DAB1: variants seen among roughly 807,000 people sequenced by gnomAD.
DAB1 encodes the protein disabled homolog 1.
Under a neutral mutation model 64.6 loss-of-function variants are expected in DAB1, and 15 were observed. The ratio of observed to expected loss-of-function variants is 0.23; its 90% CI spans 0.16 to 0.36. The LOEUF is 0.36. Ranked by LOEUF, DAB1 falls within the 10% of genes least tolerant of loss-of-function variation. The pLI, the probability that DAB1 is intolerant of heterozygous loss-of-function variation, is 1.00. For synonymous variants in DAB1, 235 were observed against 251.9 expected, an observed-to-expected ratio of 0.93 and a Z score of 0.64; for missense variants, 596 against 706.7, an observed-to-expected ratio of 0.84 and a Z score of 1.78.
intron 2 of DAB1, among the ~76,000 whole-genome samples, chr1:58,523,126 C>A (rs1308006074): frequency 6.6e-6 from 1 of 152,200 alleles, no homozygotes; most frequent in Non-Finnish European, 1.5e-5. Flanking sequence ...AAGCACTCAT[C>A]TCCATCAAGT....
chr1:57,424,029 G>T lies in DAB1; in HGVS notation c.-236C>A, dbSNP rs1207396154. 1.3e-5 allele frequency: 2 copies of T among 152,216 alleles called. No individual in the cohort carries two copies. The highest frequency in any genetic ancestry group is 1.9e-4 in the South Asian group (1 of 5,240). The allele number at this position is 152,216 out of a possible 1,614,324, so 9.4% of individuals were successfully genotyped here. ...GGCACTCAGGCGCGCTCTGCAGCCCGGGGAAGCCCGGGCGAGCGCCGAGCT... is the reference window on the plus strand; with the variant it reads ...GGCACTCAGGCGCGCTCTGCAGCCCTGGGAAGCCCGGGCGAGCGCCGAGCT... On this transcript the variant is annotated 5_prime_UTR_variant, in exon 1 of 15. Transcript: ENST00000371236.
chr1:57,476,212 G>C (rs1409917503), intron 7 of DAB1, among the ~76,000 whole-genome samples: 1 of 135,562 alleles, frequency 7.4e-6, no homozygotes, highest in Non-Finnish European at 1.6e-5. Context: ...GGCAACAAGA[G>C]AGAAACTCCA....
At chr1:58,089,928 A>G (rs1408952625) in intron 5 of DAB1, among the ~76,000 whole-genome samples, 1 of 152,190 alleles carries the variant, frequency 6.6e-6, no homozygotes, top group African/African-American at 2.4e-5. Flanking sequence ...AATAAAAAAT[A>G]CTAGTGGCGT....
chr1:57,419,190 G>A (rs1270522834), intron 1 of DAB1, among the ~76,000 whole-genome samples: 2 of 152,062 alleles, frequency 1.3e-5, no homozygotes, highest in African/African-American at 4.8e-5. Flanking sequence ...TTCAAGCCAC[G>A]TCTCTATCCT....
At chr1:57,419,065 C>G (rs1003513120) in intron 1 of DAB1, among the ~76,000 whole-genome samples, 1 of 152,112 alleles carries the variant, frequency 6.6e-6, no homozygotes, top group Non-Finnish European at 1.5e-5. Flanking sequence ...TATAAATGTA[C>G]ATACCAGAGG....
intron 5 of DAB1, among the ~76,000 whole-genome samples, chr1:57,915,551 C>A (rs180752107): frequency 6.6e-6 from 1 of 150,890 alleles, no homozygotes; most frequent in East Asian, 1.9e-4. Context: ...TCAAAGCTGG[C>A]AGCCTTGCTT....
chr1:57,718,311 T>G (rs1647109426), intron 6 of DAB1, among the ~76,000 whole-genome samples: 1 of 152,100 alleles, frequency 6.6e-6, no homozygotes, highest in South Asian at 2.1e-4. Context: ...TAAAAATTAA[T>G]CAGAAAAAAT....
intron 7 of DAB1, among the ~76,000 whole-genome samples, chr1:57,551,942 C>T (rs1644918677): frequency 6.6e-6 from 1 of 152,194 alleles, no homozygotes; most frequent in Non-Finnish European, 1.5e-5. Flanking sequence ...ATGACTTCCC[C>T]TAGCAGAAAA....
intron 5 of DAB1, among the ~76,000 whole-genome samples, chr1:58,021,007 C>T (rs535810342): frequency 4.5e-4 from 68 of 152,228 alleles, no homozygotes; most frequent in African/African-American, 1.6e-3. Context: ...TGAGACCCTG[C>T]GCCCCGCACC....
intron 5 of DAB1, among the ~76,000 whole-genome samples, chr1:57,895,306 T>G (rs1431034613): frequency 2.0e-5 from 3 of 152,176 alleles, no homozygotes; most frequent in Admixed American, 6.5e-5. Context: ...TTCATTATCC[T>G]AATGTGATAG....
At chr1:58,502,071 G>A (rs769994286) in intron 3 of DAB1, among the ~76,000 whole-genome samples, 26 of 152,192 alleles carry the variant, frequency 1.7e-4, no homozygotes, top group South Asian at 8.3e-4. Context: ...AATACTTGTT[G>A]AATGCATAAA....
Position 57,783,048 on chromosome 1 carries a change from TTTCC to T in DAB1, n.551+100947_551+100950del, listed in dbSNP as rs3081036. Reference sequence around the variant, plus strand: ...CCCTCCCTTGCTTGCTCTTTCTTTCTTTCCTTCCTTCCTTCCTTCCTTCTTACCT... The same window carrying T: ...CCCTCCCTTGCTTGCTCTTTCTTTCTTTCCTTCCTTCCTTCCTTCTTACCT... On this transcript the variant is annotated intron_variant and non_coding_transcript_variant, in intron 6 of 20. Transcript: ENST00000485760. 8.3e-4 allele frequency among the ~76,000 whole-genome samples: 98 copies of T among 118,460 alleles called. No homozygotes were observed. In the Middle Eastern group the frequency reaches 0.015, roughly 18 times the overall value. The allele number at this position is 118,460 out of a possible 152,430, so 77.7% of individuals were successfully genotyped here. A position where few individuals can be genotyped will look rare whatever the true frequency, so the allele number is the denominator to read the frequency against.
chr1:57,440,921 G>A (rs780946795), intron 7 of DAB1, among the ~76,000 whole-genome samples: 23 of 152,046 alleles, frequency 1.5e-4, no homozygotes, highest in Non-Finnish European at 2.4e-4. Context: ...GGTTTGTTAC[G>A]TGGGTGTACA....
At chr1:57,090,823 C>T (rs1451869314) in intron 4 of DAB1, among the ~76,000 whole-genome samples, 1 of 152,142 alleles carries the variant, frequency 6.6e-6, no homozygotes, top group South Asian at 2.1e-4. Context: ...AGAAACCAGG[C>T]TGCATAGCAT....
chr1:57,195,613 C>T (rs1664561104), intron 2 of DAB1, among the ~76,000 whole-genome samples: 1 of 152,196 alleles, frequency 6.6e-6, no homozygotes, highest in South Asian at 2.1e-4. Context: ...GGCTCCTAAC[C>T]GGATCCTAAA....
chr1:58,092,076 C>G (rs1037209143), intron 5 of DAB1, among the ~76,000 whole-genome samples: 1 of 152,034 alleles, frequency 6.6e-6, no homozygotes, highest in African/African-American at 2.4e-5. Flanking sequence ...ATGGCTCACA[C>G]CTGTAATGCC....
At chr1:57,088,743 A>T (rs1653343559) in intron 4 of DAB1, among the ~76,000 whole-genome samples, 2 of 152,202 alleles carry the variant, frequency 1.3e-5, no homozygotes, top group South Asian at 2.1e-4. Context: ...AATGTAGTTC[A>T]GCTCTTTTCT....
chr1:58,240,619 C>T (rs954846429), intron 4 of DAB1, among the ~76,000 whole-genome samples: 1 of 152,172 alleles, frequency 6.6e-6, no homozygotes, highest in African/African-American at 2.4e-5. Flanking sequence ...CATGCAACCA[C>T]TTCACTTGTC....
intron 5 of DAB1, among the ~76,000 whole-genome samples, chr1:57,975,479 T>C (rs138832259): frequency 8.7e-4 from 132 of 152,270 alleles, no homozygotes; most frequent in African/African-American, 2.9e-3. Context: ...TCCTGAAGGA[T>C]AGAAGTTATT....
Sources: gnomAD v4.1 joint callset for allele counts (sites outside exome capture counted in the v4.1 genomes callset) on GRCh38, gnomAD v4.1.1 for gene constraint, MANE v1.5 for transcripts, NCBI Gene and HGNC (gene_info 2026-07-23, HGNC 2026-07-21) for gene names.